TNNI3K: variants seen among roughly 807,000 people sequenced by gnomAD.
The protein encoded by TNNI3K is serine/threonine-protein kinase TNNI3K.
In TNNI3K, 140 loss-of-function variants were observed where a neutral mutation model predicts 114.5. The ratio of observed to expected loss-of-function variants is 1.22; its 90% CI spans 1.07 to 1.41. The LOEUF (loss-of-function observed/expected upper bound fraction) is 1.41. Among genes scored for constraint, TNNI3K ranks in the 40% most tolerant of loss-of-function variants. TNNI3K has a pLI of 0.00. For synonymous variants in TNNI3K, 347 were observed against 347.5 expected (o/e 1.00, Z 0.02); for missense variants, 1,125 against 1,007.6 (o/e 1.12, Z -1.58).
chr1:74,248,365 T>G (rs890567302), intron 2 of TNNI3K, among the ~76,000 whole-genome samples: 5 of 152,190 alleles, frequency 3.3e-5, no homozygotes, highest in Admixed American at 2.0e-4. Context: ...CACAGTGCAG[T>G]GTCAGGCTGA....
At chr1:74,404,331 C>T (rs1570579616) in intron 17 of TNNI3K, among the ~76,000 whole-genome samples, 1 of 152,114 alleles carries the variant, frequency 6.6e-6, no homozygotes, top group East Asian at 1.9e-4. Context: ...TCTATCCCTT[C>T]TATCTCTTCT....
chr1:74,347,980 G>C (rs892568186), intron 9 of TNNI3K, among the ~76,000 whole-genome samples: 1 of 152,182 alleles, frequency 6.6e-6, no homozygotes, highest in African/African-American at 2.4e-5. Flanking sequence ...TTCTTTTGCT[G>C]TGCAGAAGTT....
intron 19 of TNNI3K, 83 bp from the exon 20 acceptor site, chr1:74,439,407 A>C: frequency 6.5e-7 from 1 of 1,547,262 alleles, no homozygotes; most frequent in Non-Finnish European, 8.7e-7. Context: ...GAACACAGTA[A>C]ATTCTCACTA....
intron 21 of TNNI3K, among the ~76,000 whole-genome samples, chr1:74,473,086 A>G (rs924521935): frequency 7.2e-5 from 11 of 152,216 alleles, no homozygotes; most frequent in Admixed American, 1.3e-4. Context: ...CCTTTTACAC[A>G]TTAAATAATA....
chr1:74,361,439 T>C (rs1661961542), intron 11 of TNNI3K, among the ~76,000 whole-genome samples: 1 of 152,122 alleles, frequency 6.6e-6, no homozygotes, highest in Non-Finnish European at 1.5e-5. Flanking sequence ...CTAGATAGCA[T>C]TGAATATAAA....
Position 74,485,572 on chromosome 1 carries a change from C to A in TNNI3K, c.2122-3617C>A, listed in dbSNP as rs1355307198. Among the ~76,000 whole-genome samples the A allele has an allele frequency of 7.2e-5, 11 of 152,230 alleles. No individual in the cohort carries two copies. In the East Asian group the frequency reaches 2.1e-3, roughly 29 times the overall value. ...AGAATACCCTGTCCTTCAGTGTGGG[C>A]AGAACCTGTGAATATGATGAGATAT... On this transcript the variant is annotated intron_variant, in intron 21 of 24. Transcript: ENST00000326637.
At chr1:74,424,136 G>T (rs149344613) in intron 17 of TNNI3K, among the ~76,000 whole-genome samples, 1 of 152,068 alleles carries the variant, frequency 6.6e-6, no homozygotes, top group Non-Finnish European at 1.5e-5. Context: ...GAGAAAGAGG[G>T]AGGAATCAAG....
At chr1:74,344,927 G>A (rs1660922060) in intron 9 of TNNI3K, among the ~76,000 whole-genome samples, 1 of 152,054 alleles carries the variant, frequency 6.6e-6, no homozygotes, top group East Asian at 1.9e-4. Flanking sequence ...ATAGTATTTT[G>A]CACAGAGTAA....
At chr1:74,525,991 C>T (rs975513938) in intron 23 of TNNI3K, among the ~76,000 whole-genome samples, 1 of 152,168 alleles carries the variant, frequency 6.6e-6, no homozygotes. Context: ...GAGAGGAAAG[C>T]TTTGGTGTTG....
intron 11 of TNNI3K, among the ~76,000 whole-genome samples, chr1:74,364,061 G>A (rs771442402): frequency 4.7e-5 from 7 of 149,958 alleles, no homozygotes; most frequent in Non-Finnish European, 1.0e-4. Flanking sequence ...GTGCAATGGT[G>A]TGATTGTAGC....
intron 5 of TNNI3K, among the ~76,000 whole-genome samples, chr1:74,281,939 A>G (rs968888732): frequency 4.6e-5 from 7 of 152,100 alleles, no homozygotes; most frequent in Non-Finnish European, 2.9e-5. Context: ...GCAGTGGTTG[A>G]TATTTTCAGA....
intron 1 of TNNI3K, 114 bp from the exon 2 acceptor site, chr1:74,235,988 A>C (rs974076941): frequency 9.7e-6 from 6 of 621,618 alleles, no homozygotes; most frequent in Non-Finnish European, 1.6e-5. Context: ...AATTTAAATT[A>C]AGTATTGTAG....
intron 5 of TNNI3K, among the ~76,000 whole-genome samples, chr1:74,305,537 TG>T (rs1283774200): frequency 3.3e-5 from 5 of 152,170 alleles, no homozygotes; most frequent in African/African-American, 1.2e-4. Flanking sequence ...AACTAGTCGT[TG>T]GTCTCTTTCT....
chr1:74,247,776 C>A (rs557614334), intron 2 of TNNI3K, among the ~76,000 whole-genome samples: 1 of 152,334 alleles, frequency 6.6e-6, no homozygotes, highest in South Asian at 2.1e-4. Flanking sequence ...CATTTACAAT[C>A]CTCCAGCTAG....
chr1:74,340,502 G>A (rs1660699354), intron 7 of TNNI3K, among the ~76,000 whole-genome samples: 1 of 152,084 alleles, frequency 6.6e-6, no homozygotes, highest in African/African-American at 2.4e-5. Context: ...TAAATTCTAT[G>A]TCTGATTCCA....
intron 20 of TNNI3K, among the ~76,000 whole-genome samples, chr1:74,462,808 A>G (rs1667508037): frequency 6.6e-6 from 1 of 152,222 alleles, no homozygotes; most frequent in Non-Finnish European, 1.5e-5. Context: ...GATGAGCGAT[A>G]TTCAGAAATC....
chr1:74,449,779 G>T (rs1296489280), intron 20 of TNNI3K, among the ~76,000 whole-genome samples: 1 of 151,090 alleles, frequency 6.6e-6, no homozygotes, highest in East Asian at 1.9e-4. Context: ...CCTACAAAGA[G>T]ACTTAGACTC....
chr1:74,443,252 G>C (rs548595481), intron 20 of TNNI3K, among the ~76,000 whole-genome samples: 10 of 151,940 alleles, frequency 6.6e-5, no homozygotes, highest in Non-Finnish European at 1.5e-4. Context: ...TAATAAAATA[G>C]ATACACCGCT....
At chr1:74,334,864 CTA>C (rs879406005) in intron 6 of TNNI3K, among the ~76,000 whole-genome samples, 1 of 152,086 alleles carries the variant, frequency 6.6e-6, no homozygotes, top group Non-Finnish European at 1.5e-5. Context: ...CTGCATGACT[CTA>C]GAGAGGATTA....
Sources: gnomAD v4.1 joint callset for allele counts (sites outside exome capture counted in the v4.1 genomes callset) on GRCh38, gnomAD v4.1.1 for gene constraint, MANE v1.5 for transcripts, NCBI Gene and HGNC (gene_info 2026-07-23, HGNC 2026-07-21) for gene names.